The following DAB1 variants were observed in gnomAD, a reference collection of about 807,000 sequenced individuals.
The protein encoded by DAB1 is DAB adaptor protein 1, also known as disabled homolog 1.
A neutral mutation model predicts 64.6 loss-of-function variants in DAB1; 15 were observed. The observed-to-expected ratio is 0.23, with a 90% CI of 0.16 to 0.36. The LOEUF is 0.36. Ranked by LOEUF, DAB1 falls within the 10% of genes least tolerant of loss-of-function variation. DAB1 has a pLI of 1.00. For missense variants in DAB1, 596 were observed against 706.7 expected (o/e 0.84, Z 1.78); for synonymous variants, 235 against 251.9 (o/e 0.93, Z 0.64).
At chr1:58,171,855 G>T (rs1028802233) in intron 4 of DAB1, among the ~76,000 whole-genome samples, 3 of 152,174 alleles carry the variant, frequency 2.0e-5, no homozygotes, top group Non-Finnish European at 1.5e-5. Context: ...GCTAATCAAG[G>T]GTACAAGGCA....
At chr1:57,598,028 G>C (rs928253640) in intron 7 of DAB1, among the ~76,000 whole-genome samples, 1 of 151,932 alleles carries the variant, frequency 6.6e-6, no homozygotes, top group Non-Finnish European at 1.5e-5. Context: ...TGTCACCCAG[G>C]CTGCAGTGCA....
chr1:57,960,951 G>A (rs1365442469), intron 5 of DAB1, among the ~76,000 whole-genome samples: 1 of 152,192 alleles, frequency 6.6e-6, no homozygotes, highest in Non-Finnish European at 1.5e-5. Context: ...GAGCAGGCCT[G>A]GAGGAGCTGG....
At chr1:57,949,259 C>T (rs1645230597) in intron 5 of DAB1, among the ~76,000 whole-genome samples, 2 of 152,114 alleles carry the variant, frequency 1.3e-5, no homozygotes, top group Admixed American at 6.5e-5. Flanking sequence ...AGCCTAGATC[C>T]CTTGCATGTG....
At chr1:57,098,446 C>T (rs1348926555) in intron 4 of DAB1, among the ~76,000 whole-genome samples, 3 of 152,140 alleles carry the variant, frequency 2.0e-5, no homozygotes, top group African/African-American at 4.8e-5. Flanking sequence ...AAACAGCTCA[C>T]GGACCCCCAT....
chr1:57,292,257 A>G (rs1167503110), intron 1 of DAB1, among the ~76,000 whole-genome samples: 1 of 152,194 alleles, frequency 6.6e-6, no homozygotes, highest in Non-Finnish European at 1.5e-5. Flanking sequence ...TCTTAACCAG[A>G]AAGTCTAATA....
At chr1:58,086,897 A>T (rs1650352510) in intron 5 of DAB1, among the ~76,000 whole-genome samples, 2 of 152,064 alleles carry the variant, frequency 1.3e-5, no homozygotes, top group Admixed American at 1.3e-4. Context: ...CCAACAACAC[A>T]TGGCATTAGC....
chr1:56,995,248 A>G lies in DAB1; in HGVS notation c.*2896T>C, dbSNP rs1645575822. 6.6e-6 allele frequency: 1 copy of G among 152,196 alleles called. No homozygotes were observed. The highest frequency in any genetic ancestry group is 1.5e-5 in the Non-Finnish European group (1 of 68,030). The allele number at this position is 152,196 out of a possible 1,614,324, so 9.4% of individuals were successfully genotyped here. A position where few individuals can be genotyped will look rare whatever the true frequency, so the allele number is the denominator to read the frequency against. ...AGTGCTAGTGGAGGATGAGGAATTA[A>G]CAGTTGTACACATGGATTTTCTATT... is the stretch of plus-strand genomic sequence containing the variant. On this transcript the variant is annotated 3_prime_UTR_variant, in exon 15 of 15. Transcript: ENST00000371236.
chr1:57,166,692 C>A (rs1196195180), intron 2 of DAB1, among the ~76,000 whole-genome samples: 1 of 152,142 alleles, frequency 6.6e-6, no homozygotes, highest in Non-Finnish European at 1.5e-5. Context: ...ATGAGAGGAC[C>A]ATTCCCAACT....
At chr1:58,057,647 C>T (rs1648217023) in intron 5 of DAB1, among the ~76,000 whole-genome samples, 1 of 152,146 alleles carries the variant, frequency 6.6e-6, no homozygotes, top group Non-Finnish European at 1.5e-5. Flanking sequence ...AGGATTCTTC[C>T]CTAGAATCTT....
intron 1 of DAB1, among the ~76,000 whole-genome samples, chr1:57,872,529 C>G (rs1314829484): frequency 6.6e-6 from 1 of 152,154 alleles, no homozygotes; most frequent in African/African-American, 2.4e-5. Context: ...TATAGCAACT[C>G]AAATGGACTA....
At chr1:57,627,002 G>C (rs984012546) in intron 7 of DAB1, among the ~76,000 whole-genome samples, 13 of 152,234 alleles carry the variant, frequency 8.5e-5, no homozygotes, top group Admixed American at 6.5e-5. Context: ...CTACTTCTGG[G>C]GGTTTCTGGA....
intron 7 of DAB1, among the ~76,000 whole-genome samples, chr1:57,627,105 A>G (rs1242813398): frequency 6.6e-6 from 1 of 152,216 alleles, no homozygotes; most frequent in Non-Finnish European, 1.5e-5. Context: ...GGGCCTGAAT[A>G]GAACAAAAGG....
At chr1:57,570,929 A>G (rs1159264792) in intron 7 of DAB1, among the ~76,000 whole-genome samples, 1 of 152,168 alleles carries the variant, frequency 6.6e-6, no homozygotes, top group Non-Finnish European at 1.5e-5. Context: ...GGTTAGGTAT[A>G]TTCCTAAGTA....
At chr1:57,987,479 AC>A (rs1459911250) in intron 5 of DAB1, among the ~76,000 whole-genome samples, 1 of 152,228 alleles carries the variant, frequency 6.6e-6, no homozygotes, top group Non-Finnish European at 1.5e-5. Context: ...GTCAAAGGTT[AC>A]CAAGTAGCAC....
intron 5 of DAB1, among the ~76,000 whole-genome samples, chr1:58,044,929 T>C (rs1254582673): frequency 6.6e-6 from 1 of 152,150 alleles, no homozygotes; most frequent in East Asian, 1.9e-4. Context: ...CCACGATTCA[T>C]AGAAATGAAG....
intron 7 of DAB1, among the ~76,000 whole-genome samples, chr1:57,473,374 T>A (rs527807410): frequency 1.2e-3 from 188 of 152,280 alleles, no homozygotes; most frequent in Non-Finnish European, 1.8e-3. Flanking sequence ...GAAGGGCCCT[T>A]ACTTGAGATG....
chr1:57,308,215 G>A (rs1195128543), intron 1 of DAB1, among the ~76,000 whole-genome samples: 1 of 152,120 alleles, frequency 6.6e-6, no homozygotes. Flanking sequence ...CCTTGATTAG[G>A]TGCCCATTAG....
chr1:57,369,441 T>A (rs953370267), intron 1 of DAB1, among the ~76,000 whole-genome samples: 6 of 152,226 alleles, frequency 3.9e-5, no homozygotes, highest in Non-Finnish European at 8.8e-5. Context: ...AATGAACATT[T>A]TCCTTTTTCA....
In DAB1 at chr1:57,766,361, C is replaced by A. The variant is rs529925431; in HGVS notation, n.552-116696G>T. The stretch of plus-strand genomic sequence containing the variant: ...TCTGCCCAGCCTTCTCCCTTGATTT[C>A]TTCTTATCTCAGAGTACGCACCAAA... On this transcript the variant is annotated intron_variant and non_coding_transcript_variant, in intron 6 of 20. Coordinates refer to the DAB1 transcript ENST00000485760. Among the ~76,000 whole-genome samples the A allele has an allele frequency of 3.3e-5, 5 of 151,978 alleles. No individual in the cohort carries two copies. In the South Asian group the frequency reaches 1.0e-3, roughly 32 times the overall value.
Sources: gnomAD v4.1 joint callset for allele counts (sites outside exome capture counted in the v4.1 genomes callset) on GRCh38, gnomAD v4.1.1 for gene constraint, MANE v1.5 for transcripts, NCBI Gene and HGNC (gene_info 2026-07-23, HGNC 2026-07-21) for gene names.